TENM2: variants seen among roughly 807,000 people sequenced by gnomAD.
TENM2 encodes teneurin transmembrane protein 2, also known as teneurin-2.
TENM2 carries 52 observed loss-of-function variants against 245.2 expected under a neutral mutation model. That is an observed-to-expected ratio of 0.21 (90% CI 0.17 to 0.27). The LOEUF is 0.27. Ranked by LOEUF, TENM2 falls within the 10% of genes least tolerant of loss-of-function variation. The pLI is 1.00. For missense variants in TENM2, 3,046 were observed against 3,666.8 expected (o/e 0.83, Z 4.37); for synonymous variants, 1,363 against 1,438.9 (o/e 0.95, Z 1.19).
At chr5:168,198,906 C>T (rs967492464) in exon 16 of TENM2, 1 of 1,614,050 alleles carries the variant, frequency 6.2e-7, no homozygotes, top group African/African-American at 1.3e-5. Flanking sequence ...TTTGAGCGAG[C>T]CCCGTTCATG....
intron 25 of TENM2, among the ~76,000 whole-genome samples, chr5:168,242,678 C>T (rs1426272705): frequency 8.5e-5 from 13 of 152,168 alleles, no homozygotes; most frequent in South Asian, 4.1e-4. Context: ...ATCAGCTGGG[C>T]GTGGTGGCTC....
intron 2 of TENM2, among the ~76,000 whole-genome samples, chr5:167,729,660 ACTAT>A (rs1331229778): frequency 3.9e-5 from 6 of 152,304 alleles, no homozygotes; most frequent in African/African-American, 1.4e-4. Context: ...AGTAATAGTG[ACTAT>A]CTAAGGCCTG....
intron 5 of TENM2, among the ~76,000 whole-genome samples, chr5:168,012,834 A>G (rs374983063): frequency 2.2e-4 from 32 of 148,628 alleles, no homozygotes; most frequent in Non-Finnish European, 4.0e-4. Flanking sequence ...TGATTTCCTG[A>G]CCTTACTAGC....
chr5:167,184,956 T>C, the TENM2 span, among the ~76,000 whole-genome samples: 3 of 152,182 alleles, frequency 2.0e-5, no homozygotes, highest in African/African-American at 7.2e-5. Flanking sequence ...GCATGTGCAG[T>C]TCACAATGGG....
intron 3 of TENM2, among the ~76,000 whole-genome samples, chr5:167,900,790 A>T (rs1775635685): frequency 2.7e-5 from 4 of 147,896 alleles, no homozygotes; most frequent in African/African-American, 9.9e-5. Context: ...TCCTGTCTTG[A>T]TTGAAGGCTC....
At chr5:167,371,130 A>G (rs1244693882) in intron 1 of TENM2, among the ~76,000 whole-genome samples, 2 of 152,132 alleles carry the variant, frequency 1.3e-5, no homozygotes, top group African/African-American at 4.8e-5. Flanking sequence ...TATTTGGGAA[A>G]ACTGGGTATG....
intron 7 of TENM2, among the ~76,000 whole-genome samples, chr5:168,081,349 T>A (rs1791978829): frequency 6.6e-6 from 1 of 152,212 alleles, no homozygotes; most frequent in African/African-American, 2.4e-5. Flanking sequence ...ATGGGTCTCC[T>A]GAATACAGCA....
chr5:167,782,035 T>C (rs1764219528), intron 2 of TENM2, among the ~76,000 whole-genome samples: 2 of 151,520 alleles, frequency 1.3e-5, no homozygotes, highest in African/African-American at 2.4e-5. Context: ...AAAAATAGGC[T>C]GGGCACAGTG....
At chr5:167,014,959 GCTGC>G in the TENM2 span, among the ~76,000 whole-genome samples, 2 of 152,092 alleles carry the variant, frequency 1.3e-5, no homozygotes, top group Non-Finnish European at 2.9e-5. Flanking sequence ...TTATGGTTTG[GCTGC>G]CTGTTAAAAA....
the TENM2 span, among the ~76,000 whole-genome samples, chr5:167,095,972 A>G: frequency 6.6e-6 from 1 of 152,018 alleles, no homozygotes; most frequent in East Asian, 1.9e-4. Flanking sequence ...GGGTTTCACC[A>G]TGTTGACCAG....
the TENM2 span, among the ~76,000 whole-genome samples, chr5:167,108,787 A>G: frequency 4.6e-5 from 7 of 152,220 alleles, no homozygotes; most frequent in Non-Finnish European, 1.0e-4. Context: ...TTTTTAAATC[A>G]GTACTCATGA....
chr5:168,107,658 G>A (rs187685846), intron 9 of TENM2, among the ~76,000 whole-genome samples: 4 of 152,128 alleles, frequency 2.6e-5, no homozygotes, highest in East Asian at 1.9e-4. Context: ...AACTGCTCTC[G>A]CACTGTCACC....
chr5:168,142,810 A>G (rs1164659485), intron 12 of TENM2, among the ~76,000 whole-genome samples: 3 of 152,316 alleles, frequency 2.0e-5, no homozygotes, highest in South Asian at 2.1e-4. Context: ...AGCAAAACAT[A>G]CTATTCAGAA....
the TENM2 span, among the ~76,000 whole-genome samples, chr5:167,148,077 C>A: frequency 6.6e-6 from 1 of 152,100 alleles, no homozygotes; most frequent in South Asian, 2.1e-4. Flanking sequence ...GATGCATAAC[C>A]CAACCAGCAC....
chr5:167,372,494 C>G (rs1044973250), intron 1 of TENM2, among the ~76,000 whole-genome samples: 1 of 152,190 alleles, frequency 6.6e-6, no homozygotes, highest in African/African-American at 2.4e-5. Flanking sequence ...CACAAAGCCT[C>G]CTGTCCTCAT....
intron 2 of TENM2, among the ~76,000 whole-genome samples, chr5:167,705,427 T>G (rs1758438535): frequency 6.6e-6 from 1 of 152,168 alleles, no homozygotes; most frequent in Admixed American, 6.5e-5. Flanking sequence ...CCAGCTTGGT[T>G]GATCTGGATG....
chr5:167,526,970 G>A (rs777242599), intron 2 of TENM2, among the ~76,000 whole-genome samples: 7 of 152,038 alleles, frequency 4.6e-5, no homozygotes, highest in Non-Finnish European at 1.0e-4. Flanking sequence ...AAACAGCATG[G>A]AGTTCATTTG....
intron 6 of TENM2, among the ~76,000 whole-genome samples, chr5:168,058,412 G>T (rs1384463581): frequency 6.6e-6 from 1 of 152,184 alleles, no homozygotes; most frequent in Non-Finnish European, 1.5e-5. Context: ...CAGAGACTTA[G>T]GAAGGCATGC....
At chr5:167,525,306 A>T (rs1771036949) in intron 2 of TENM2, among the ~76,000 whole-genome samples, 1 of 152,150 alleles carries the variant, frequency 6.6e-6, no homozygotes, top group African/African-American at 2.4e-5. Context: ...TAATGTTAAG[A>T]AATAATATTT....
Sources: allele counts gnomAD v4.1 joint callset (sites outside exome capture counted in the v4.1 genomes callset), GRCh38; gene constraint gnomAD v4.1.1; transcripts MANE v1.5; gene names NCBI Gene and HGNC (gene_info 2026-07-23, HGNC 2026-07-21).